CADM2: variants seen among roughly 807,000 people sequenced by gnomAD.
CADM2 encodes cell adhesion molecule 2.
In CADM2, 12 loss-of-function variants were observed where a neutral mutation model predicts 49.8. The observed-to-expected ratio is 0.24, with a 90% confidence interval of 0.15 to 0.39. The LOEUF (loss-of-function observed/expected upper bound fraction) is 0.39, where lower values mean the gene tolerates loss of function less well. CADM2 is among the 10% of genes least tolerant of loss of function. The pLI is 1.00. For missense variants in CADM2, 378 were observed against 492.3 expected, an observed-to-expected ratio of 0.77 and a Z score of 2.20; for synonymous variants, 214 against 175.4, an observed-to-expected ratio of 1.22 and a Z score of -1.74.
intron 8 of CADM2, among the ~76,000 whole-genome samples, chr3:86,033,362 TG>T (rs1734767635): frequency 6.6e-6 from 1 of 152,008 alleles, no homozygotes; most frequent in African/African-American, 2.4e-5. Flanking sequence ...AAAACTTTTT[TG>T]AATACTTGAT....
chr3:84,975,474 A>G (rs2031759462), intron 1 of CADM2, among the ~76,000 whole-genome samples: 3 of 151,818 alleles, frequency 2.0e-5, no homozygotes, highest in African/African-American at 2.4e-5. Flanking sequence ...TCTGAAGCAT[A>G]TATTATATAT....
chr3:85,305,207 G>T (rs187628412), intron 1 of CADM2, among the ~76,000 whole-genome samples: 2 of 151,538 alleles, frequency 1.3e-5, no homozygotes, highest in Non-Finnish European at 3.0e-5. Context: ...GACATTTAAT[G>T]AATTTTCCTT....
At chr3:85,895,508 T>C (rs1715105840) in intron 5 of CADM2, among the ~76,000 whole-genome samples, 1 of 152,224 alleles carries the variant, frequency 6.6e-6, no homozygotes, top group African/African-American at 2.4e-5. Context: ...GATGAGACTT[T>C]AGGCTGTGGA....
intron 1 of CADM2, among the ~76,000 whole-genome samples, chr3:85,103,160 T>G (rs2038073236): frequency 6.6e-6 from 1 of 152,176 alleles, no homozygotes; most frequent in East Asian, 1.9e-4. Context: ...CTTAATTATC[T>G]GCAGACTAGG....
intron 1 of CADM2, among the ~76,000 whole-genome samples, chr3:84,980,561 T>G (rs953146078): frequency 6.6e-6 from 1 of 152,134 alleles, no homozygotes; most frequent in African/African-American, 2.4e-5. Flanking sequence ...AAGATAATAA[T>G]AAGAAGAGCT....
At chr3:85,193,958 G>T (rs1412285010) in intron 1 of CADM2, among the ~76,000 whole-genome samples, 4 of 152,074 alleles carry the variant, frequency 2.6e-5, no homozygotes, top group African/African-American at 9.7e-5. Flanking sequence ...GGAGACTGAT[G>T]ATAATCAAAT....
chr3:85,444,886 C>T (rs557173110), intron 1 of CADM2, among the ~76,000 whole-genome samples: 1 of 152,190 alleles, frequency 6.6e-6, no homozygotes, highest in Admixed American at 6.5e-5. Flanking sequence ...GTGGGAGTTG[C>T]AGTCTAGCAC....
At chr3:85,353,346 A>G (rs2031536906) in intron 1 of CADM2, among the ~76,000 whole-genome samples, 1 of 152,094 alleles carries the variant, frequency 6.6e-6, no homozygotes, top group South Asian at 2.1e-4. Context: ...CTGTGAAAAT[A>G]AAGATCAGTT....
chr3:85,959,660 T>C (rs1166593427), intron 7 of CADM2, among the ~76,000 whole-genome samples: 2 of 151,898 alleles, frequency 1.3e-5, no homozygotes, highest in Non-Finnish European at 2.9e-5. Context: ...TATAGGATAG[T>C]GGTCTCAAAC....
At chr3:84,993,007 G>C (rs925590801) in intron 1 of CADM2, among the ~76,000 whole-genome samples, 3 of 152,032 alleles carry the variant, frequency 2.0e-5, no homozygotes, top group Non-Finnish European at 4.4e-5. Context: ...AATAATCTCA[G>C]TGACTCCAAT....
intron 3 of CADM2, among the ~76,000 whole-genome samples, chr3:85,843,610 T>G (rs1331923992): frequency 6.6e-6 from 1 of 152,160 alleles, no homozygotes; most frequent in African/African-American, 2.4e-5. Flanking sequence ...AATAAATATC[T>G]AATTCAATAT....
intron 1 of CADM2, among the ~76,000 whole-genome samples, chr3:85,472,067 A>G (rs1290978718): frequency 6.6e-6 from 1 of 152,074 alleles, no homozygotes; most frequent in East Asian, 1.9e-4. Context: ...CTTGAAGTCT[A>G]TCTAAAGTAT....
chr3:85,827,538 A>G (rs904957582), intron 3 of CADM2, among the ~76,000 whole-genome samples: 1 of 151,868 alleles, frequency 6.6e-6, no homozygotes, highest in Non-Finnish European at 1.5e-5. Context: ...GCAATGGGGG[A>G]TTATTCTATT....
At chr3:85,176,229 G>A (rs72909103) in intron 1 of CADM2, among the ~76,000 whole-genome samples, 2 of 151,918 alleles carry the variant, frequency 1.3e-5, no homozygotes, top group Admixed American at 6.6e-5. Context: ...AATAGGCTGC[G>A]CTGTCACTTT....
intron 1 of CADM2, among the ~76,000 whole-genome samples, chr3:85,306,271 T>A (rs190144958): frequency 5.5e-4 from 84 of 151,782 alleles, no homozygotes; most frequent in African/African-American, 2.0e-3. Context: ...GCTTTAAATA[T>A]ATGTTTTTAA....
At chr3:85,036,926 T>C (rs1364755244) in intron 1 of CADM2, among the ~76,000 whole-genome samples, 2 of 142,796 alleles carry the variant, frequency 1.4e-5, no homozygotes, top group Non-Finnish European at 1.5e-5. Context: ...CTGAGGCAGG[T>C]GGATCGCCTG....
At chr3:85,456,094 G>A (rs2037978330) in intron 1 of CADM2, among the ~76,000 whole-genome samples, 1 of 152,144 alleles carries the variant, frequency 6.6e-6, no homozygotes, top group South Asian at 2.1e-4. Context: ...TGGGAGTTTT[G>A]GATCTGCCTG....
chr3:85,217,342 TATC>T lies in CADM2; in HGVS notation c.61+257677_61+257679del, dbSNP rs1253090811. On this transcript the variant is annotated intron_variant, in intron 1 of 9. Coordinates refer to ENST00000383699, the MANE Select transcript of CADM2 (RefSeq NM_001167675.2). Reference sequence around the variant, plus strand: ...TAGGATTGAAATTAAGTTAGAAAAATATCATAAAATGTATGTCATTGTAGAATT... The same window carrying T: ...TAGGATTGAAATTAAGTTAGAAAAATATAAAATGTATGTCATTGTAGAATT... Among the ~76,000 whole-genome samples, 11 of 151,978 alleles carry T rather than the reference TATC, an allele frequency of 7.2e-5. No individual in the cohort carries two copies. The East Asian group carries it at 1.4e-3, about 19-fold the overall frequency.
intron 8 of CADM2, among the ~76,000 whole-genome samples, chr3:86,006,916 C>T (rs1158042877): frequency 6.6e-6 from 1 of 152,076 alleles, no homozygotes; most frequent in Non-Finnish European, 1.5e-5. Flanking sequence ...TGACGGATAC[C>T]TGTAATCCCA....
Sources: allele counts gnomAD v4.1 joint callset (sites outside exome capture counted in the v4.1 genomes callset), GRCh38; gene constraint gnomAD v4.1.1; transcripts MANE v1.5; gene names NCBI Gene and HGNC (gene_info 2026-07-23, HGNC 2026-07-21).